The following TBC1D22A variants were observed in gnomAD, a reference collection of about 807,000 sequenced individuals.
TBC1D22A encodes the protein TBC1 domain family member 22A, also known as putative GTPase activator.
In TBC1D22A, 38 loss-of-function variants were observed where a neutral mutation model predicts 60.2. That is an observed-to-expected ratio of 0.63 (90% confidence interval 0.49 to 0.83). The LOEUF is 0.83. TBC1D22A is among the 40% of genes least tolerant of loss of function. The pLI is 0.00. For synonymous variants in TBC1D22A, 302 were observed against 281.7 expected, an observed-to-expected ratio of 1.07 and a Z score of -0.72; for missense variants, 628 against 701.0, an observed-to-expected ratio of 0.90 and a Z score of 1.18.
intron 8 of TBC1D22A, among the ~76,000 whole-genome samples, chr22:46,952,515 T>C (rs1476638566): frequency 6.6e-6 from 1 of 152,212 alleles, no homozygotes; most frequent in East Asian, 1.9e-4. Context: ...GCATCGTTTT[T>C]ATCAGTTTTG....
At chr22:46,847,940 TGTGTGTGTGTGTGTGCGC>T (rs988734845) in intron 4 of TBC1D22A, among the ~76,000 whole-genome samples, 4 of 124,830 alleles carry the variant, frequency 3.2e-5, no homozygotes, top group Non-Finnish European at 5.2e-5. Flanking sequence ...TGTGTGTGTG[TGTGTGTGTGTGTGTGCGC>T]GCGCGCACGC....
chr22:46,795,663 A>G (rs1282175511), intron 3 of TBC1D22A, among the ~76,000 whole-genome samples: 2 of 152,196 alleles, frequency 1.3e-5, no homozygotes, highest in African/African-American at 4.8e-5. Flanking sequence ...CAATGATACC[A>G]TATATTGATC....
rs548618925 is a variant in TBC1D22A, at chr22:46,848,142, A to C, written c.638-30511A>C. Among the ~76,000 whole-genome samples the C allele has an allele frequency of 2.0e-5, 3 of 152,374 alleles. No individual in the cohort carries two copies. In the South Asian group the frequency reaches 6.2e-4, roughly 32 times the overall value. On this transcript the variant is annotated intron_variant, in intron 4 of 12. Transcript: ENST00000337137. ...TTGTGATAGGAAGTTTTTGCTCATT[A>C]AGAGCGGCTTTAAAGCTTTTAATTT...
At chr22:47,017,651 G>A (rs982824292) in intron 10 of TBC1D22A, among the ~76,000 whole-genome samples, 2 of 152,204 alleles carry the variant, frequency 1.3e-5, no homozygotes, top group African/African-American at 4.8e-5. Flanking sequence ...GGAGGAAATT[G>A]TGATTTGCTC....
intron 11 of TBC1D22A, among the ~76,000 whole-genome samples, chr22:47,098,779 G>T (rs1029586031): frequency 6.6e-6 from 1 of 152,196 alleles, no homozygotes; most frequent in African/African-American, 2.4e-5. Flanking sequence ...TCCTGCCCTC[G>T]CTGGGCTGAG....
intron 12 of TBC1D22A, among the ~76,000 whole-genome samples, chr22:47,150,077 C>A (rs2067443472): frequency 6.6e-6 from 1 of 152,112 alleles, no homozygotes; most frequent in Admixed American, 6.5e-5. Flanking sequence ...CTGTTCCTGT[C>A]TATAAAATGA....
intron 7 of TBC1D22A, among the ~76,000 whole-genome samples, chr22:46,896,263 T>C (rs774563784): frequency 3.3e-5 from 5 of 152,212 alleles, no homozygotes; most frequent in Non-Finnish European, 7.4e-5. Context: ...AGAATTCTGA[T>C]TCTTTGTCAG....
At chr22:46,857,950 C>T (rs920752486) in intron 4 of TBC1D22A, among the ~76,000 whole-genome samples, 2 of 152,128 alleles carry the variant, frequency 1.3e-5, no homozygotes, top group African/African-American at 4.8e-5. Context: ...TTCATGCACA[C>T]GTTTTTGCAG....
chr22:47,071,585 G>A (rs562683881), intron 11 of TBC1D22A, among the ~76,000 whole-genome samples: 121 of 152,308 alleles, frequency 7.9e-4, no homozygotes, highest in Non-Finnish European at 1.3e-3. Flanking sequence ...CCCTTCACTC[G>A]GGGCCGGCGG....
intron 12 of TBC1D22A, among the ~76,000 whole-genome samples, chr22:47,156,582 A>G (rs967932576): frequency 6.6e-6 from 1 of 152,140 alleles, no homozygotes; most frequent in African/African-American, 2.4e-5. Context: ...AGAGGCGACC[A>G]GAAGAGGGAC....
At chr22:46,997,599 T>C in intron 9 of TBC1D22A, 35 bp from the exon 10 acceptor site, 1 of 1,557,274 alleles carries the variant, frequency 6.4e-7, no homozygotes. Context: ...TTTTATTTTA[T>C]ATGCATATGA....
chr22:47,061,046 G>A (rs1344351015), intron 11 of TBC1D22A, among the ~76,000 whole-genome samples: 1 of 151,960 alleles, frequency 6.6e-6, no homozygotes, highest in Non-Finnish European at 1.5e-5. Flanking sequence ...GTTGAGCCAC[G>A]CTGTCTTCCT....
At chr22:47,093,616 A>G (rs536487874) in intron 11 of TBC1D22A, among the ~76,000 whole-genome samples, 33 of 152,242 alleles carry the variant, frequency 2.2e-4, no homozygotes, top group Middle Eastern at 3.4e-3. Flanking sequence ...AAACCAGTCA[A>G]TTGGTATATA....
intron 12 of TBC1D22A, among the ~76,000 whole-genome samples, chr22:47,126,094 G>A (rs5766685): frequency 0.32 from 48,712 of 152,058 alleles, 8,162 homozygotes; most frequent in East Asian, 0.61. Context: ...TGAGTCTTCC[G>A]TCTCAGCCTC....
intron 12 of TBC1D22A, among the ~76,000 whole-genome samples, chr22:47,127,701 T>C (rs1276533738): frequency 6.6e-6 from 1 of 152,046 alleles, no homozygotes; most frequent in Admixed American, 6.6e-5. Context: ...ACTGAGAGAA[T>C]GTGAGTGGCA....
At chr22:47,143,130 T>C (rs901043619) in intron 12 of TBC1D22A, among the ~76,000 whole-genome samples, 3 of 151,934 alleles carry the variant, frequency 2.0e-5, no homozygotes, top group Non-Finnish European at 2.9e-5. Flanking sequence ...AAGGACCTTT[T>C]CTCCTGGAAG....
chr22:47,072,896 C>G (rs909951304), intron 11 of TBC1D22A, among the ~76,000 whole-genome samples: 2 of 152,236 alleles, frequency 1.3e-5, no homozygotes, highest in Non-Finnish European at 2.9e-5. Context: ...GCCTCTTGCC[C>G]AGCTGCAGAC....
At chr22:46,823,373 G>A (rs1019214551) in intron 4 of TBC1D22A, among the ~76,000 whole-genome samples, 1 of 152,192 alleles carries the variant, frequency 6.6e-6, no homozygotes, top group African/African-American at 2.4e-5. Flanking sequence ...AAATCGCCAC[G>A]TGTGCATCAC....
At chr22:46,903,093 T>C (rs1453830924) in intron 7 of TBC1D22A, among the ~76,000 whole-genome samples, 2 of 152,114 alleles carry the variant, frequency 1.3e-5, no homozygotes, top group African/African-American at 4.8e-5. Context: ...GGGCCGTGGA[T>C]CTCTCCCTGG....
Sources: gnomAD v4.1 joint callset for allele counts (sites outside exome capture counted in the v4.1 genomes callset) on GRCh38, gnomAD v4.1.1 for gene constraint, MANE v1.5 for transcripts, NCBI Gene and HGNC (gene_info 2026-07-23, HGNC 2026-07-21) for gene names.